DYM: variants seen among roughly 807,000 people sequenced by gnomAD.
The protein encoded by DYM is dymeclin, also known as dyggve-Melchior-Clausen syndrome protein.
DYM carries 78 observed loss-of-function variants against 93.1 expected under a neutral mutation model. The ratio of observed to expected loss-of-function variants is 0.84; its 90% CI spans 0.70 to 1.01. The LOEUF (loss-of-function observed/expected upper bound fraction) is 1.01. DYM is among the 50% of genes least tolerant of loss of function. The pLI is 0.00. For synonymous variants in DYM, 321 were observed against 319.7 expected (o/e 1.00, Z -0.04); for missense variants, 789 against 845.0 (o/e 0.93, Z 0.82).
intron 1 of DYM, among the ~76,000 whole-genome samples, chr18:49,435,743 C>T (rs949606305): frequency 2.6e-5 from 4 of 152,074 alleles, no homozygotes; most frequent in African/African-American, 9.7e-5. Flanking sequence ...GAACCGAGAT[C>T]GTGCCATTGC....
At chr18:49,136,999 C>A (rs947428036) in intron 15 of DYM, among the ~76,000 whole-genome samples, 1 of 152,138 alleles carries the variant, frequency 6.6e-6, no homozygotes, top group Non-Finnish European at 1.5e-5. Flanking sequence ...TCAATGGCAA[C>A]AAAGCTAAAA....
intron 16 of DYM, among the ~76,000 whole-genome samples, chr18:49,101,198 G>A (rs1340129613): frequency 6.6e-6 from 1 of 152,148 alleles, no homozygotes; most frequent in African/African-American, 2.4e-5. Flanking sequence ...ATGAGACACA[G>A]CCAATAACAG....
intron 6 of DYM, among the ~76,000 whole-genome samples, chr18:49,337,962 G>A (rs1055164440): frequency 1.3e-5 from 2 of 152,150 alleles, no homozygotes; most frequent in African/African-American, 4.8e-5. Context: ...CAGATTAAAA[G>A]AAGGTGGGGG....
chr18:49,397,854 C>A (rs2070303194), intron 2 of DYM, among the ~76,000 whole-genome samples: 1 of 152,126 alleles, frequency 6.6e-6, no homozygotes, highest in African/African-American at 2.4e-5. Context: ...ATCTGGGAAA[C>A]TGGGGTTAAA....
At chr18:49,389,968 T>C (rs1187096340) in intron 3 of DYM, among the ~76,000 whole-genome samples, 1 of 152,204 alleles carries the variant, frequency 6.6e-6, no homozygotes, top group African/African-American at 2.4e-5. Context: ...ACTACACTAA[T>C]ATTGTTACAT....
chr18:49,361,695 G>A (rs2066032019), intron 6 of DYM, among the ~76,000 whole-genome samples: 2 of 151,894 alleles, frequency 1.3e-5, no homozygotes, highest in South Asian at 4.1e-4. Flanking sequence ...GGCTTCTCAG[G>A]GGGACAATAT....
At chr18:49,403,984 CTGT>C (rs1451572151) in intron 2 of DYM, among the ~76,000 whole-genome samples, 1 of 150,784 alleles carries the variant, frequency 6.6e-6, no homozygotes, top group Non-Finnish European at 1.5e-5. Context: ...ATCCAATTTA[CTGT>C]TGTTTTTTCT....
At chr18:49,194,753 T>A (rs1490412180) in intron 14 of DYM, among the ~76,000 whole-genome samples, 4 of 151,966 alleles carry the variant, frequency 2.6e-5, no homozygotes, top group South Asian at 2.1e-4. Context: ...CAAAAAAATA[T>A]TTTAAAAATA....
chr18:49,371,324 A>AC (rs1481241604), intron 5 of DYM, among the ~76,000 whole-genome samples: 1 of 152,122 alleles, frequency 6.6e-6, no homozygotes, highest in African/African-American at 2.4e-5. Context: ...ACATAGTGAG[A>AC]CCCCATCTCT....
intron 14 of DYM, chr18:49,208,605 T>G (rs2092636107): frequency 6.6e-6 from 1 of 152,234 alleles, no homozygotes; most frequent in Non-Finnish European, 1.5e-5. Context: ...ATCAAGTATT[T>G]TCACTTAGAT....
chr18:49,065,762 T>C (rs964261267), intron 17 of DYM, among the ~76,000 whole-genome samples: 9 of 152,310 alleles, frequency 5.9e-5, no homozygotes, highest in Admixed American at 5.9e-4. Flanking sequence ...CTAAAATTAG[T>C]TCCACAATCC....
rs2072880456 is a variant in DYM, at chr18:49,415,626, C to T, written c.140+14629G>A. 2.0e-5 allele frequency among the ~76,000 whole-genome samples: 3 copies of T among 151,948 alleles called. No individual in the cohort carries two copies. In the South Asian group the frequency reaches 6.2e-4, roughly 32 times the overall value. ...ACAGTAAAGTTTTCTGAAAAGTAGC[C>T]TTTATAAAAAGTAGGGTGTGGCTGG... is the stretch of plus-strand genomic sequence containing the variant. On this transcript the variant is annotated intron_variant, in intron 2 of 17. Coordinates refer to ENST00000675505, the MANE Select transcript of DYM (RefSeq NM_001353214.3).
intron 14 of DYM, among the ~76,000 whole-genome samples, chr18:49,204,076 C>G (rs1356332370): frequency 6.6e-6 from 1 of 151,988 alleles, no homozygotes; most frequent in Non-Finnish European, 1.5e-5. Flanking sequence ...AAGCCTAAAT[C>G]AGGTCCACTC....
At chr18:49,140,699 T>C (rs72923805) in intron 15 of DYM, among the ~76,000 whole-genome samples, 8,173 of 152,190 alleles carry the variant, frequency 0.054, 298 homozygotes, top group Middle Eastern at 0.12. Context: ...TAAAGTTGGG[T>C]TGGCTAAAAA....
At chr18:49,127,375 A>C (rs2082924303) in intron 15 of DYM, among the ~76,000 whole-genome samples, 1 of 152,238 alleles carries the variant, frequency 6.6e-6, no homozygotes, top group African/African-American at 2.4e-5. Flanking sequence ...TACCTTGTTA[A>C]CAGCAGTCAG....
At chr18:49,210,243 C>A (rs1214742062) in intron 13 of DYM, among the ~76,000 whole-genome samples, 2 of 152,194 alleles carry the variant, frequency 1.3e-5, no homozygotes, top group African/African-American at 2.4e-5. Flanking sequence ...TATATCCACA[C>A]AAAAATCTGC....
chr18:49,115,782 T>C (rs766649084), intron 16 of DYM, among the ~76,000 whole-genome samples: 5 of 152,234 alleles, frequency 3.3e-5, no homozygotes, highest in Non-Finnish European at 7.3e-5. Flanking sequence ...TCTTGGGTGA[T>C]ATTCTTAGAC....
chr18:49,051,572 G>A (rs1236050237), intron 17 of DYM, among the ~76,000 whole-genome samples: 1 of 152,228 alleles, frequency 6.6e-6, no homozygotes, highest in African/African-American at 2.4e-5. Flanking sequence ...CAACCCTGAA[G>A]TTAAGCATTT....
chr18:49,286,128 C>G (rs910361027), intron 9 of DYM, among the ~76,000 whole-genome samples: 1 of 152,026 alleles, frequency 6.6e-6, no homozygotes, highest in Non-Finnish European at 1.5e-5. Flanking sequence ...TTAAAACAAC[C>G]TAGCATTTGG....
Sources: gnomAD v4.1 joint callset for allele counts (sites outside exome capture counted in the v4.1 genomes callset) on GRCh38, gnomAD v4.1.1 for gene constraint, MANE v1.5 for transcripts, NCBI Gene and HGNC (gene_info 2026-07-23, HGNC 2026-07-21) for gene names.